The following SNAPC4 variants were observed in gnomAD, a reference collection of about 807,000 sequenced individuals.
SNAPC4 encodes the protein snRNA-activating protein complex subunit 4.
Under a neutral mutation model 151.3 loss-of-function variants are expected in SNAPC4, and 127 were observed. The ratio of observed to expected loss-of-function variants is 0.84; its 90% CI spans 0.73 to 0.97. The LOEUF (loss-of-function observed/expected upper bound fraction) is 0.97. Ranked by LOEUF, SNAPC4 falls within the 50% of genes least tolerant of loss-of-function variation. The pLI is 0.00. For synonymous variants in SNAPC4, 1,002 were observed against 824.4 expected, an observed-to-expected ratio of 1.22 and a Z score of -3.69; for missense variants, 2,186 against 1,935.0, an observed-to-expected ratio of 1.13 and a Z score of -2.43.
chr9:136,380,760 G>A lies in SNAPC4; in HGVS notation c.2479C>T (p.Pro827Ser). 1 of 1,603,640 alleles carries A rather than the reference G, an allele frequency of 6.2e-7. No homozygotes were observed. The highest frequency in any genetic ancestry group is 8.5e-7 in the Non-Finnish European group (1 of 1,171,610). Residue 827 changes from proline (P) to serine (S), a missense_variant, in exon 20 of 24, where the codon CCA (proline) becomes TCA (serine). Transcript: ENST00000684778. Reference sequence around the variant, plus strand: ...GCTACCTGCAGAAGATGAACTGGTGGGTCCCGAGCACCAGCCTGGGGCAGC... The same window carrying A: ...GCTACCTGCAGAAGATGAACTGGTGAGTCCCGAGCACCAGCCTGGGGCAGC... Reference protein sequence around the residue: ...PRLPQAGARDPPVHLLQASSS... With the variant: ...PRLPQAGARDSPVHLLQASSS...
At chr9:136,390,095 A>G (rs1315926544) in intron 10 of SNAPC4, among the ~76,000 whole-genome samples, 1 of 152,160 alleles carries the variant, frequency 6.6e-6, no homozygotes, top group African/African-American at 2.4e-5. Flanking sequence ...TGGAAGGAAA[A>G]GAGGCCACAA....
In SNAPC4 at chr9:136,383,257, C is replaced by T. The variant is rs1833764907; in HGVS notation, c.1912G>A (p.Val638Ile). The change falls in exon 16 of 24, where the codon GTC (valine) becomes ATC (isoleucine). Residue 638 changes from valine to isoleucine, a missense_variant. Val to Ile is a conservative substitution (Grantham distance 29). Transcript: ENST00000684778. The surrounding 1 kb of genome is among the most constrained non-coding windows in gnomAD (Gnocchi z 4.2). ...TGGGAGGCCTGGGCAGACCTCGGGA[C>T]AGGGCCGTGGGCCCTGGCAGGGACC... ...VQVPARAHGP[V>I]PRSAQASHSA... is the part of the protein sequence containing the mutation. 1 of 1,607,628 alleles carries T rather than the reference C, an allele frequency of 6.2e-7. No individual in the cohort carries two copies. Among genetic ancestry groups the T allele is most frequent in the Non-Finnish European group, 8.5e-7 (1 of 1,177,432 alleles).
chr9:136,397,085 G>A, intron 2 of SNAPC4, 62 bp from the exon 3 acceptor site: 2 of 1,380,348 alleles, frequency 1.4e-6, no homozygotes, highest in Admixed American at 3.3e-5. Context: ...TGGGGGCGCA[G>A]CTCACCACTG....
intron 9 of SNAPC4, 40 bp downstream of exon 9, chr9:136,392,482 G>A (rs1271106027): frequency 1.3e-6 from 2 of 1,594,928 alleles, no homozygotes; most frequent in African/African-American, 2.7e-5. Context: ...AGGGAGCTGT[G>A]CTCCAAGCTG....
Position 136,392,043 on chromosome 9 carries a change from T to C in SNAPC4, c.874A>G (p.Ile292Val), listed in dbSNP as rs757663028. The part of the protein sequence containing the change: ...KFWQNSEHPS[I>V]NKQEWSREEE... The stretch of plus-strand genomic sequence containing the variant: ...TCCCTGCTCCACTCCTGCTTGTTGA[T>C]GCTGGGGTGCTCCGAGTTCTGCCAG... The change falls in exon 10 of 24, where the codon ATC becomes GTC. Residue 292 changes from isoleucine (I) to valine (V), a missense_variant. By Grantham distance (29) the Ile-to-Val change is conservative (BLOSUM62 3). Coordinates refer to ENST00000684778, the MANE Select transcript of SNAPC4 (RefSeq NM_003086.4). 1.2e-6 allele frequency: 2 copies of C among 1,612,666 alleles called. No individual in the cohort carries two copies. Among genetic ancestry groups the C allele is most frequent in the South Asian group, 1.1e-5 (1 of 91,072 alleles).
At chr9:136,395,152 A>G in intron 5 of SNAPC4, 146 bp downstream of exon 5, 1 of 1,052,086 alleles carries the variant, frequency 9.5e-7, no homozygotes, top group Non-Finnish European at 1.4e-6. Context: ...CAGCTTGCCC[A>G]CCACGGAGGA....
Position 136,390,884 on chromosome 9 carries a change from G to T in SNAPC4, c.975+1058C>A, listed in dbSNP as rs1483821629. 4.0e-5 allele frequency among the ~76,000 whole-genome samples: 6 copies of T among 151,536 alleles called. No individual in the cohort carries two copies. In the East Asian group the frequency reaches 7.7e-4, roughly 20 times the overall value. ...CGGAGTCTTGCTGTCGCCCAGGCTGGAGTGCAGTGGCGCGACGTCCGCTCA... is the reference window on the plus strand; with the variant it reads ...CGGAGTCTTGCTGTCGCCCAGGCTGTAGTGCAGTGGCGCGACGTCCGCTCA... On this transcript the variant is annotated intron_variant, in intron 10 of 23. Coordinates refer to ENST00000684778, the MANE Select transcript of SNAPC4 (RefSeq NM_003086.4).
chr9:136,399,635 C>A (rs1834386281), intron 1 of SNAPC4, among the ~76,000 whole-genome samples: 1 of 152,180 alleles, frequency 6.6e-6, no homozygotes, highest in Non-Finnish European at 1.5e-5. Context: ...CCCACCAAGA[C>A]GGAGCGCAGC....
chr9:136,380,890 G>C (rs1026159120), intron 19 of SNAPC4, 40 bp from the exon 20 acceptor site: 9 of 1,256,186 alleles, frequency 7.2e-6, no homozygotes, highest in Non-Finnish European at 8.2e-6. Flanking sequence ...AGCTGCTTTC[G>C]GGAGCAGCTC....
chr9:136,390,630 G>A (rs1242901393), intron 10 of SNAPC4, among the ~76,000 whole-genome samples: 2 of 149,982 alleles, frequency 1.3e-5, no homozygotes, highest in Non-Finnish European at 3.0e-5. Context: ...ATCCCTGGGT[G>A]ATGGGCTGAT....
intron 10 of SNAPC4, among the ~76,000 whole-genome samples, chr9:136,390,697 G>A (rs994852855): frequency 1.6e-4 from 24 of 151,084 alleles, no homozygotes; most frequent in African/African-American, 5.8e-4. Context: ...TGCACATCCT[G>A]CACACACAGC....
chr9:136,394,085 T>C (rs140982505), intron 7 of SNAPC4, among the ~76,000 whole-genome samples, 164 bp downstream of exon 7: 136 of 152,304 alleles, frequency 8.9e-4, no homozygotes, highest in African/African-American at 2.9e-3. Flanking sequence ...ACCCAGCTAA[T>C]TTTTTTACTT....
intron 23 of SNAPC4, 145 bp downstream of exon 23, chr9:136,376,204 C>G (rs913857654): frequency 1.1e-6 from 1 of 893,140 alleles, no homozygotes; most frequent in Admixed American, 2.4e-5. Flanking sequence ...CCCTGGAGGG[C>G]CTCCATGACC....
rs765444329 is a variant in SNAPC4, at chr9:136,395,372, C to T, written c.397G>A (p.Gly133Ser). Residue 133 changes from glycine (G) to serine (S), a missense_variant, in exon 5 of 24, where the codon GGC becomes AGC. By Grantham distance (56) the Gly-to-Ser change is moderately conservative (BLOSUM62 0). Transcript: ENST00000684778. ...TATGTGCTTGGGGGCAGGCTTTTGC[C>T]ATCTTTCACCTTGGTGCCTTTGGAC... ...AGSKGTKVKD[G>S]KSLPPSTYMG... 2.5e-6 allele frequency: 4 copies of T among 1,613,656 alleles called. No homozygotes were observed. The Admixed American group carries it at 6.7e-5, about 27-fold the overall frequency.
intron 10 of SNAPC4, among the ~76,000 whole-genome samples, chr9:136,391,332 A>C (rs146258220): frequency 6.6e-6 from 1 of 152,322 alleles, no homozygotes; most frequent in African/African-American, 2.4e-5. Flanking sequence ...TTCATGTTCC[A>C]ATCAAATTCA....
intron 6 of SNAPC4, 96 bp downstream of exon 6, chr9:136,394,704 G>C: frequency 1.8e-6 from 2 of 1,106,560 alleles, no homozygotes; most frequent in Admixed American, 1.8e-5. Flanking sequence ...TCACAACAGA[G>C]AGAGGTCTGA....
intron 2 of SNAPC4, among the ~76,000 whole-genome samples, chr9:136,398,067 TTTA>T (rs879692805): frequency 3.3e-5 from 5 of 151,836 alleles, no homozygotes; most frequent in African/African-American, 4.8e-5. Context: ...CCAGCCATCG[TTTA>T]TTATTATTAT....
chr9:136,390,554 GA>G (rs58732608), intron 10 of SNAPC4, among the ~76,000 whole-genome samples: 14,551 of 48,270 alleles, frequency 0.3, 599 homozygotes, highest in Admixed American at 0.37. Context: ...GACTCTGTTT[GA>G]AAAAAAAAAA....
At chr9:136,385,955 G>C (rs1265405656) in intron 13 of SNAPC4, among the ~76,000 whole-genome samples, 1 of 152,104 alleles carries the variant, frequency 6.6e-6, no homozygotes, top group Non-Finnish European at 1.5e-5. Flanking sequence ...TCACTCTTGT[G>C]AATGATGCTG....
Sources: allele counts gnomAD v4.1 joint callset (sites outside exome capture counted in the v4.1 genomes callset), GRCh38; gene constraint gnomAD v4.1.1; non-coding constraint Gnocchi (gnomAD v3.1); transcripts MANE v1.5; gene names NCBI Gene and HGNC (gene_info 2026-07-23, HGNC 2026-07-21).